TAOK2: variants seen among roughly 807,000 people sequenced by gnomAD.
TAOK2 encodes the protein TAO kinase 2.
Under a neutral mutation model 122.5 loss-of-function variants are expected in TAOK2, and 42 were observed. The observed-to-expected ratio is 0.34, with a 90% confidence interval of 0.27 to 0.44. TAOK2 has a LOEUF of 0.44. Ranked by LOEUF, TAOK2 falls within the 20% of genes least tolerant of loss-of-function variation. The pLI is 1.00. For missense variants in TAOK2, 1,264 were observed against 1,644.9 expected (o/e 0.77, Z 4.01); for synonymous variants, 704 against 677.6 (o/e 1.04, Z -0.61).
rs746856016 is a variant in TAOK2, at chr16:29,979,523, C to T, written c.655+15C>T. 28 of 1,501,276 alleles carry T rather than the reference C, an allele frequency of 1.9e-5. No homozygotes were observed. Among genetic ancestry groups the T allele is most frequent in the Non-Finnish European group, 2.4e-5 (27 of 1,122,404 alleles). The allele number at this position is 1,501,276 out of a possible 1,614,324, so 93.0% of individuals were successfully genotyped here. On this transcript the variant is annotated intron_variant, in intron 8 of 15. Transcript: ENST00000308893. The surrounding 1 kb of genome is among the most constrained non-coding windows in gnomAD (Gnocchi z 4.1). ...CATCGAGCTGGGTAAGAACATCCTCCCTGTTCCCTCATCATCTTTTCCATT... is the reference window on the plus strand; with the variant it reads ...CATCGAGCTGGGTAAGAACATCCTCTCTGTTCCCTCATCATCTTTTCCATT...
chr16:29,974,776 G>C (rs1345678504), intron 1 of TAOK2, 128 bp downstream of exon 1: 1 of 152,512 alleles, frequency 6.6e-6, no homozygotes, highest in Non-Finnish European at 1.5e-5. Flanking sequence ...CGAGTGGTCA[G>C]CCTCTGGCTA....
downstream of TAOK2, chr16:29,989,595 T>C: frequency 6.2e-7 from 1 of 1,613,932 alleles, no homozygotes; most frequent in African/African-American, 1.3e-5. Flanking sequence ...CTGCATAGTC[T>C]AAGGAGCTGC....
rs1207720949 is a variant in TAOK2, at chr16:29,983,285, G to T, written c.1213G>T (p.Gly405Trp). The T allele has an allele frequency of 6.2e-7, 1 of 1,604,546 alleles. No individual in the cohort carries two copies. Among genetic ancestry groups the T allele is most frequent in the Non-Finnish European group, 8.5e-7 (1 of 1,179,800 alleles). The change falls in exon 12 of 16, where the codon GGG (glycine) becomes TGG (tryptophan). Residue 405 changes from glycine to tryptophan, a missense_variant. Transcript: ENST00000308893. ...EAREMAMMQE[G>W]EHTVTSHSSI... ...CCGGGAGATGGCCATGATGCAGGAG[G>T]GGGAGCACACAGTCACCTCTCACAG...
rs575611781 is a variant in TAOK2 at position 29,973,914 on chromosome 16, G to A, written c.-770G>A. 4.6e-5 allele frequency: 7 copies of A among 152,788 alleles called. No individual in the cohort carries two copies. The South Asian group carries it at 1.2e-3, about 27-fold the overall frequency. 9.5% of individuals were successfully genotyped at this position (152,788 alleles called of 1,614,324 possible). The stretch of plus-strand genomic sequence containing the variant: ...AAGAGGGAGAGGGAGACCGGGACGA[G>A]ACCGGGGCTGTGGTGCGGAGAGAGG... On this transcript the variant is annotated 5_prime_UTR_variant, in exon 1 of 16. Coordinates refer to ENST00000308893, the MANE Select transcript of TAOK2 (RefSeq NM_016151.4).
At chr16:29,984,345 C>T (rs1231495248) in intron 13 of TAOK2, among the ~76,000 whole-genome samples, 1 of 152,252 alleles carries the variant, frequency 6.6e-6, no homozygotes, top group Non-Finnish European at 1.5e-5. Flanking sequence ...CTAAAATCAA[C>T]TCATGGCAGT....
chr16:29,978,364 G>C lies in TAOK2; in HGVS notation c.306+11G>C. 6.2e-7 allele frequency: 1 copy of C among 1,613,852 alleles called. No individual in the cohort carries two copies. The highest frequency in any genetic ancestry group is 8.5e-7 in the Non-Finnish European group (1 of 1,179,732). On this transcript the variant is annotated intron_variant, in intron 4 of 15. Transcript: ENST00000308893. ...GAGCACACGGCTTGGGTGAGCTGGTGCCAGATTCTGGCCTGATCTTTACTC... is the reference window on the plus strand; with the variant it reads ...GAGCACACGGCTTGGGTGAGCTGGTCCCAGATTCTGGCCTGATCTTTACTC...
At chr16:29,991,029 C>T, downstream of TAOK2, 10 of 1,579,406 alleles carry the variant, frequency 6.3e-6, no homozygotes, top group Non-Finnish European at 8.6e-6. This position sits in a 1 kb window ranked among gnomAD's most constrained non-coding sequence, Gnocchi z 5.6. Context: ...ACTCTAACCT[C>T]TGTTCCGGAT....
downstream of TAOK2, chr16:29,991,752 T>G: frequency 1.3e-6 from 1 of 747,684 alleles, no homozygotes; most frequent in Non-Finnish European, 1.9e-6. The surrounding 1 kb of genome is among the most constrained non-coding windows in gnomAD (Gnocchi z 5.6). Flanking sequence ...AGCTTGGCGA[T>G]AGGTGCCTCA....
Position 29,985,059 on chromosome 16 carries a change from G to A in TAOK2, c.1423-154G>A, listed in dbSNP as rs2069739952. ...GATAATATCACCATTATCCAGTTGAGGAAACAGGCTAGAGTGGCCGTGTGT... is the reference window on the plus strand; with the variant it reads ...GATAATATCACCATTATCCAGTTGAAGAAACAGGCTAGAGTGGCCGTGTGT... On this transcript the variant is annotated intron_variant, in intron 13 of 15. Transcript: ENST00000308893. The surrounding 1 kb of genome is among the most constrained non-coding windows in gnomAD (Gnocchi z 6.9). 1.0e-6 allele frequency: 1 copy of A among 970,958 alleles called. No homozygotes were observed. The allele number at this position is 970,958 out of a possible 1,614,324, so 60.1% of individuals were successfully genotyped here.
In TAOK2 at chr16:29,985,930, T is replaced by G. The variant is rs2069775978; in HGVS notation, c.1992+69T>G. On this transcript the variant is annotated intron_variant, in intron 15 of 15. Transcript: ENST00000308893. The surrounding 1 kb of genome is among the most constrained non-coding windows in gnomAD (Gnocchi z 6.9). ...CCCAGGGACCCACCCTTTTCCATTT[T>G]CCTCATTCTTGTCTTCTTTCTCCTT... The G allele has an allele frequency of 3.9e-6, 6 of 1,534,468 alleles. No homozygotes were observed. The highest frequency in any genetic ancestry group is 1.4e-5 in the African/African-American group (1 of 72,950).
downstream of TAOK2, chr16:29,988,407 C>T (rs573826827): frequency 1.5e-6 from 2 of 1,297,774 alleles, no homozygotes; most frequent in East Asian, 1.1e-4. Context: ...TGCCTTTGGC[C>T]CAGGCTGCCT....
In TAOK2 at chr16:29,983,612, G is replaced by T. The variant is rs1348255219; in HGVS notation, c.1370G>T (p.Arg457Leu). 6.2e-7 allele frequency: 1 copy of T among 1,613,644 alleles called. No individual in the cohort carries two copies. The highest frequency in any genetic ancestry group is 8.5e-7 in the Non-Finnish European group (1 of 1,180,002). The part of the protein sequence containing the change: ...PTSTTSSARR[R>L]AYCRNRDHFA... ...TCCACCACCTCTTCCGCCCGCCGCC[G>T]GGCCTACTGCCGTAACCGAGACCAC... Residue 457 changes from arginine to leucine, a missense_variant, in exon 13 of 16, where the codon CGG (arginine) becomes CTG (leucine). Arg to Leu is a moderately radical substitution (Grantham distance 102). This residue lies in a region of TAOK2 where 122 missense variants were observed against 116.7 expected (regional missense o/e 1.04). Coordinates refer to ENST00000308893, the MANE Select transcript of TAOK2 (RefSeq NM_016151.4).
chr16:29,986,905 A>C lies in TAOK2; in HGVS notation c.2633A>C (p.Glu878Ala). 6.2e-7 allele frequency: 1 copy of C among 1,613,578 alleles called. No individual in the cohort carries two copies. The highest frequency in any genetic ancestry group is 2.2e-5 in the East Asian group (1 of 44,870). ...TGGAGCTTGTGGGGGAAGGAGGATG[A>C]GAGTCTTCTGGATGAGGAGTTTGAG... ...GTWSLWGKED[E>A]SLLDEEFELG... Residue 878 changes from glutamate to alanine, a missense_variant, in exon 16 of 16, where the codon GAG (glutamate) becomes GCG (alanine). Physicochemically the swap from Glu to Ala is moderately radical, Grantham distance 107. Around this residue, in one of 4 missense-constraint regions of TAOK2, gnomAD observed 824 missense variants for 908.7 expected, o/e 0.91. Coordinates refer to ENST00000308893, the MANE Select transcript of TAOK2 (RefSeq NM_016151.4). This position sits in a 1 kb window ranked among gnomAD's most constrained non-coding sequence, Gnocchi z 4.2.
At chr16:29,982,033 C>T in intron 10 of TAOK2, 93 bp downstream of exon 10, 1 of 1,054,452 alleles carries the variant, frequency 9.5e-7, no homozygotes, top group Non-Finnish European at 1.4e-6. Context: ...AGTTCCTCCT[C>T]CACCAAGAGC....
rs113299847 is a variant in TAOK2, at chr16:29,978,487, G to A, written c.306+134G>A. 2.5e-5 allele frequency: 25 copies of A among 999,534 alleles called. No individual in the cohort carries two copies. In the East Asian group the frequency reaches 4.0e-4, roughly 16 times the overall value. The allele number at this position is 999,534 out of a possible 1,614,324, so 61.9% of individuals were successfully genotyped here. A position where few individuals can be genotyped will look rare whatever the true frequency, so the allele number is the denominator to read the frequency against. On this transcript the variant is annotated intron_variant, in intron 4 of 15. Transcript: ENST00000308893. ...GGGAAGGAGGAAGTCTCTTTTGACC[G>A]CTTTAGTCCTCAGACATACCCACTG...
At chr16:29,982,566 A>G (rs1319197759) in intron 10 of TAOK2, among the ~76,000 whole-genome samples, 168 bp from the exon 11 acceptor site, 6 of 88,258 alleles carry the variant, frequency 6.8e-5, no homozygotes, top group Non-Finnish European at 2.1e-5. Flanking sequence ...GGGAGTAGGT[A>G]CTGGGTGGTA....
chr16:29,985,279 C>T lies in TAOK2; in HGVS notation c.1489C>T (p.Arg497Trp), dbSNP rs1460478609. 6.3e-7 allele frequency: 1 copy of T among 1,591,936 alleles called. No homozygotes were observed. Among genetic ancestry groups the T allele is most frequent in the Admixed American group, 1.7e-5 (1 of 57,656 alleles). ...ALREQLSGYK[R>W]MRRQHQKQLL... ...GCGGGAGCAGCTGAGCGGCTATAAG[C>T]GGATGCGACGACAGCACCAGAAGCA... The change falls in exon 14 of 16, where the codon CGG (arginine) becomes TGG (tryptophan). Residue 497 changes from arginine to tryptophan, a missense_variant. Around this residue, in one of 4 missense-constraint regions of TAOK2, gnomAD observed 64 missense variants for 115.7 expected, o/e 0.55. Coordinates refer to ENST00000308893, the MANE Select transcript of TAOK2 (RefSeq NM_016151.4). The surrounding 1 kb of genome is among the most constrained non-coding windows in gnomAD (Gnocchi z 6.9).
downstream of TAOK2, chr16:29,988,395 T>C (rs1476896756): frequency 2.3e-6 from 3 of 1,304,090 alleles, no homozygotes; most frequent in Non-Finnish European, 3.0e-6. Flanking sequence ...TGAGCGGAAC[T>C]GTGCCTTTGG....
Position 29,983,203 on chromosome 16 carries a change from C to G in TAOK2, c.1131C>G (p.Asn377Lys). 6.2e-7 allele frequency: 1 copy of G among 1,613,768 alleles called. No homozygotes were observed. The highest frequency in any genetic ancestry group is 8.5e-7 in the Non-Finnish European group (1 of 1,179,964). ...ACAGCCTAGCAGATGCCTCAGACAA[C>G]GAGGAAGAGGAGGAGGAGGAGGAGG... ...SVNSLADASD[N>K]EEEEEEEEEE... The change falls in exon 12 of 16, where the codon AAC becomes AAG. Residue 377 changes from asparagine to lysine, a missense_variant. Transcript: ENST00000308893.
Sources: gnomAD v4.1 joint callset for allele counts (sites outside exome capture counted in the v4.1 genomes callset) on GRCh38, gnomAD v4.1.1 for gene constraint, gnomAD v4.1.1 regional missense constraint, Gnocchi (gnomAD v3.1) non-coding constraint, MANE v1.5 for transcripts, NCBI Gene and HGNC (gene_info 2026-07-23, HGNC 2026-07-21) for gene names.